The following PRKCH variants were observed in gnomAD, a reference collection of about 807,000 sequenced individuals.
The protein encoded by PRKCH is protein kinase C eta.
Under a neutral mutation model 82.5 loss-of-function variants are expected in PRKCH, and 28 were observed. The ratio of observed to expected loss-of-function variants is 0.34; its 90% CI spans 0.25 to 0.47. The LOEUF is 0.47. Among genes scored for constraint, PRKCH ranks in the 20% least tolerant of loss-of-function variants. The probability of loss-of-function intolerance (pLI) is 1.00; values close to 1 mark genes in which losing one functional copy is unlikely to be tolerated. For missense variants in PRKCH, 705 were observed against 881.8 expected, an observed-to-expected ratio of 0.80 and a Z score of 2.54; for synonymous variants, 322 against 327.4, an observed-to-expected ratio of 0.98 and a Z score of 0.18.
At chr14:61,389,123 C>G (rs929894804) in intron 1 of PRKCH, among the ~76,000 whole-genome samples, 1 of 152,204 alleles carries the variant, frequency 6.6e-6, no homozygotes, top group Non-Finnish European at 1.5e-5. Context: ...CGCCTGTAAT[C>G]CCAGCACTCT....
intron 9 of PRKCH, among the ~76,000 whole-genome samples, chr14:61,483,618 G>C (rs963094210): frequency 6.6e-6 from 1 of 152,166 alleles, no homozygotes; most frequent in Non-Finnish European, 1.5e-5. Context: ...GCTTCCTTCT[G>C]ATAGGGGTCT....
chr14:61,454,932 C>CCCCAAG (rs1884690710), intron 7 of PRKCH, among the ~76,000 whole-genome samples: 2 of 152,156 alleles, frequency 1.3e-5, no homozygotes, highest in Non-Finnish European at 1.5e-5. Context: ...AGTGCAATTA[C>CCCCAAG]TGTGAGATTC....
intron 1 of PRKCH, chr14:61,303,606 T>C (rs1161993922): frequency 2.0e-5 from 3 of 152,134 alleles, no homozygotes; most frequent in African/African-American, 7.2e-5. Context: ...AAGCTCTTAC[T>C]TGAATCTTGC....
At position 61,231,573 on chromosome 14, in the gene PRKCH, C is replaced by T. The variant is rs552989643; in HGVS notation, c.-19+43905C>T. Among the ~76,000 whole-genome samples the T allele has an allele frequency of 4.6e-5, 7 of 152,084 alleles. No homozygotes were observed. The East Asian group carries it at 5.8e-4, about 13-fold the overall frequency. ...ATTTTTAGTAGAGACAGGGTTTCACCGTGTTAGCCAGGATGGTCTCGATCT... is the reference window on the plus strand; with the variant it reads ...ATTTTTAGTAGAGACAGGGTTTCACTGTGTTAGCCAGGATGGTCTCGATCT... On this transcript the variant is annotated intron_variant, in intron 1 of 3. Coordinates refer to the PRKCH transcript ENST00000555185.
chr14:61,520,935 A>G lies in PRKCH; in HGVS notation c.1434-8140A>G, dbSNP rs139304080. ...TCCCACAAGTGTGCAAATCATGTTCATTACTCCATTGTTTGAAGTTGCAAA... is the reference window on the plus strand; with the variant it reads ...TCCCACAAGTGTGCAAATCATGTTCGTTACTCCATTGTTTGAAGTTGCAAA... On this transcript the variant is annotated intron_variant, in intron 10 of 13. Transcript: ENST00000332981. Among the ~76,000 whole-genome samples, 546 of 152,360 alleles carry G rather than the reference A, an allele frequency of 3.6e-3. 4 individuals carry two copies. The highest frequency in any genetic ancestry group is 5.9e-3 in the Admixed American group (91 of 15,306).
chr14:61,235,312 T>C (rs2140062076), intron 1 of PRKCH, among the ~76,000 whole-genome samples: 1 of 152,332 alleles, frequency 6.6e-6, no homozygotes, highest in East Asian at 1.9e-4. Context: ...GCAAACAGCA[T>C]GCAATTCAGC....
intron 1 of PRKCH, among the ~76,000 whole-genome samples, chr14:61,334,439 C>T (rs1406162887): frequency 6.6e-6 from 1 of 152,038 alleles, no homozygotes; most frequent in Non-Finnish European, 1.5e-5. Flanking sequence ...TCACTGTCTG[C>T]GAAGGACAGG....
intron 1 of PRKCH, among the ~76,000 whole-genome samples, chr14:61,331,206 A>G (rs2045782970): frequency 6.6e-6 from 1 of 152,196 alleles, no homozygotes. Context: ...AATTTATAAA[A>G]TGCATTAGTT....
chr14:61,409,703 C>CAAA (rs56238869), intron 2 of PRKCH, among the ~76,000 whole-genome samples: 12 of 56,110 alleles, frequency 2.1e-4, no homozygotes, highest in African/African-American at 2.8e-4. Context: ...GACCCTGTCT[C>CAAA]AAAAAAAAAA....
chr14:61,374,937 T>C (rs1303420928), intron 1 of PRKCH, among the ~76,000 whole-genome samples: 4 of 152,084 alleles, frequency 2.6e-5, no homozygotes, highest in African/African-American at 9.7e-5. Context: ...TTCTACTGCA[T>C]GGTTGTACTG....
intron 1 of PRKCH, among the ~76,000 whole-genome samples, chr14:61,388,680 G>A (rs985206644): frequency 2.0e-5 from 3 of 152,208 alleles, no homozygotes; most frequent in African/African-American, 7.2e-5. Flanking sequence ...AACAAGTCAA[G>A]GCAGAGAGTG....
chr14:61,494,232 G>T (rs1288417888), intron 10 of PRKCH, among the ~76,000 whole-genome samples: 1 of 152,142 alleles, frequency 6.6e-6, no homozygotes, highest in Non-Finnish European at 1.5e-5. Flanking sequence ...CTCTTAAATG[G>T]AACAGTGTGA....
chr14:61,357,495 A>G (rs1391270407), intron 1 of PRKCH, among the ~76,000 whole-genome samples: 4 of 151,892 alleles, frequency 2.6e-5, no homozygotes, highest in Non-Finnish European at 5.9e-5. Flanking sequence ...CTCTCTTTCT[A>G]ATTTTCAGCC....
chr14:61,420,601 G>C (rs926673887), intron 2 of PRKCH, among the ~76,000 whole-genome samples: 1 of 152,156 alleles, frequency 6.6e-6, no homozygotes, highest in Non-Finnish European at 1.5e-5. Flanking sequence ...GACTCTCTCT[G>C]TGTTTTGTTT....
rs187273978 is a variant in PRKCH at position 61,387,514 on chromosome 14, C to T, written c.364-3711C>T. ...TGAGTGGAAATTATTGGTCTTGCTG[C>T]GTTTGTATTCATAGAGAAAGATCTG... On this transcript the variant is annotated intron_variant, in intron 1 of 13. Coordinates refer to ENST00000332981, the MANE Select transcript of PRKCH (RefSeq NM_006255.5). Among the ~76,000 whole-genome samples the T allele has an allele frequency of 1.2e-4, 19 of 152,238 alleles. No homozygotes were observed. In the East Asian group the frequency reaches 3.1e-3, roughly 25 times the overall value.
chr14:61,254,319 A>C (rs2044977560), intron 1 of PRKCH, among the ~76,000 whole-genome samples: 1 of 152,196 alleles, frequency 6.6e-6, no homozygotes, highest in Non-Finnish European at 1.5e-5. Context: ...AGTCGTGATA[A>C]AAATCATGCT....
chr14:61,230,534 C>T (rs4902035), intron 1 of PRKCH, among the ~76,000 whole-genome samples: 111,586 of 152,200 alleles, frequency 0.73, 43,993 homozygotes, highest in Non-Finnish European at 0.89. Context: ...GGTCGTGTCT[C>T]ATTCTCTGAA....
intron 10 of PRKCH, among the ~76,000 whole-genome samples, chr14:61,527,406 C>T (rs985690166): frequency 2.6e-5 from 4 of 152,182 alleles, no homozygotes; most frequent in African/African-American, 9.6e-5. Flanking sequence ...ATTTCTGCTG[C>T]TTCTCTCTAT....
chr14:61,485,692 T>C, intron 10 of PRKCH, 36 bp downstream of exon 10: 1 of 1,595,514 alleles, frequency 6.3e-7, no homozygotes, highest in East Asian at 2.3e-5. Context: ...TCTAATTCAC[T>C]GCCTCTTCCC....
Sources: allele counts gnomAD v4.1 joint callset (sites outside exome capture counted in the v4.1 genomes callset), GRCh38; gene constraint gnomAD v4.1.1; transcripts MANE v1.5; gene names NCBI Gene and HGNC (gene_info 2026-07-23, HGNC 2026-07-21).